PARD3B: variants seen among roughly 807,000 people sequenced by gnomAD.
PARD3B encodes the protein partitioning defective 3 homolog B.
In PARD3B, 103 loss-of-function variants were observed where a neutral mutation model predicts 130.2. The observed-to-expected ratio is 0.79, with a 90% CI of 0.67 to 0.93. The LOEUF (loss-of-function observed/expected upper bound fraction) is 0.93. Ranked by LOEUF, PARD3B falls within the 40% of genes least tolerant of loss-of-function variation. PARD3B has a pLI of 0.00. For missense variants in PARD3B, 1,609 were observed against 1,499.2 expected (o/e 1.07, Z -1.21); for synonymous variants, 583 against 553.2 (o/e 1.05, Z -0.76).
At chr2:205,412,045 G>A (rs1368835363) in intron 19 of PARD3B, among the ~76,000 whole-genome samples, 1 of 152,092 alleles carries the variant, frequency 6.6e-6, no homozygotes, top group African/African-American at 2.4e-5. Context: ...TGGCAACTCC[G>A]ATCTGCTAAT....
intron 2 of PARD3B, among the ~76,000 whole-genome samples, chr2:204,813,608 T>C (rs972036888): frequency 6.6e-6 from 1 of 152,202 alleles, no homozygotes; most frequent in South Asian, 2.1e-4. Flanking sequence ...TTTGCAAAGG[T>C]TTTCTACTAA....
intron 11 of PARD3B, among the ~76,000 whole-genome samples, chr2:205,169,163 A>G (rs2035004722): frequency 6.6e-6 from 1 of 152,172 alleles, no homozygotes; most frequent in South Asian, 2.1e-4. Context: ...ATTACACATC[A>G]TTTATCTTAT....
chr2:205,335,972 T>C (rs1024349728), intron 18 of PARD3B, among the ~76,000 whole-genome samples: 1 of 152,128 alleles, frequency 6.6e-6, no homozygotes, highest in South Asian at 2.1e-4. Flanking sequence ...CCATGACACA[T>C]AGGAATTGTG....
intron 2 of PARD3B, among the ~76,000 whole-genome samples, chr2:204,902,010 C>T (rs1274780541): frequency 6.6e-6 from 1 of 152,112 alleles, no homozygotes; most frequent in Non-Finnish European, 1.5e-5. Context: ...CCCTCCTCTC[C>T]TCAAGCAGTA....
intron 4 of PARD3B, among the ~76,000 whole-genome samples, chr2:205,068,415 G>A (rs1700518725): frequency 6.6e-6 from 1 of 151,946 alleles, no homozygotes; most frequent in South Asian, 2.1e-4. Flanking sequence ...GTTAATCTTA[G>A]TAGACATTTG....
intron 16 of PARD3B, among the ~76,000 whole-genome samples, chr2:205,279,286 T>C (rs2041096731): frequency 6.6e-6 from 1 of 152,062 alleles, no homozygotes; most frequent in Non-Finnish European, 1.5e-5. Flanking sequence ...TCCCAAAACA[T>C]TGGGACACTA....
intron 1 of PARD3B, among the ~76,000 whole-genome samples, chr2:204,636,321 G>T (rs1185371261): frequency 1.3e-5 from 2 of 151,980 alleles, no homozygotes. Context: ...TCATAACCTG[G>T]AATCAAATGA....
chr2:205,317,599 C>T (rs942081530), intron 18 of PARD3B, among the ~76,000 whole-genome samples: 4 of 152,276 alleles, frequency 2.6e-5, no homozygotes, highest in African/African-American at 9.6e-5. Context: ...GCCAGTCGAT[C>T]ACCCTATTCT....
At chr2:205,457,374 A>G (rs946946612) in intron 20 of PARD3B, among the ~76,000 whole-genome samples, 7 of 151,926 alleles carry the variant, frequency 4.6e-5, no homozygotes, top group Admixed American at 1.3e-4. Flanking sequence ...CCTGATATTT[A>G]TAATTTTTAT....
intron 1 of PARD3B, among the ~76,000 whole-genome samples, chr2:204,595,741 G>A (rs2033258991): frequency 6.6e-6 from 1 of 152,208 alleles, no homozygotes; most frequent in African/African-American, 2.4e-5. Flanking sequence ...TATAAAATGA[G>A]CATGTACTTT....
Position 205,575,007 on chromosome 2 carries a change from G to A in PARD3B, c.3260+21604G>A, listed in dbSNP as rs1477560883. Reference sequence around the variant, plus strand: ...ACCCATCTCATAAGCTCCCTTACTGGATGAGGAGAGAAAGCCATTGCTCTA... The same window carrying A: ...ACCCATCTCATAAGCTCCCTTACTGAATGAGGAGAGAAAGCCATTGCTCTA... On this transcript the variant is annotated intron_variant, in intron 22 of 22. Transcript: ENST00000406610. The surrounding 1 kb of genome is among the most constrained non-coding windows in gnomAD (Gnocchi z 4.6). Among the ~76,000 whole-genome samples the A allele has an allele frequency of 6.6e-6, 1 of 151,482 alleles. No individual in the cohort carries two copies. Among genetic ancestry groups the A allele is most frequent in the Admixed American group, 6.6e-5 (1 of 15,164 alleles).
chr2:205,481,610 G>A (rs1328083780), intron 20 of PARD3B, among the ~76,000 whole-genome samples: 3 of 152,166 alleles, frequency 2.0e-5, no homozygotes, highest in South Asian at 2.1e-4. Context: ...TAATGTCATA[G>A]TAGAGCCCAG....
intron 4 of PARD3B, among the ~76,000 whole-genome samples, chr2:205,098,321 T>C (rs901850787): frequency 1.6e-4 from 24 of 152,202 alleles, no homozygotes; most frequent in African/African-American, 5.1e-4. Flanking sequence ...GCAGTTAAAT[T>C]TTATGGGCAA....
At chr2:204,737,504 C>T (rs1437390300) in intron 2 of PARD3B, among the ~76,000 whole-genome samples, 1 of 152,128 alleles carries the variant, frequency 6.6e-6, no homozygotes, top group Non-Finnish European at 1.5e-5. Flanking sequence ...GTGAACTTTG[C>T]AAATATTTTC....
At chr2:205,556,034 C>G (rs957282849) in intron 22 of PARD3B, among the ~76,000 whole-genome samples, 1 of 152,152 alleles carries the variant, frequency 6.6e-6, no homozygotes, top group Non-Finnish European at 1.5e-5. Flanking sequence ...GTCTTTCCCC[C>G]TGGAGATTTT....
At chr2:204,888,459 G>A (rs2046336357) in intron 2 of PARD3B, among the ~76,000 whole-genome samples, 1 of 152,110 alleles carries the variant, frequency 6.6e-6, no homozygotes, top group African/African-American at 2.4e-5. Context: ...AAGGTGTGAA[G>A]AGTGACTCAT....
intron 1 of PARD3B, among the ~76,000 whole-genome samples, chr2:204,659,708 C>G (rs1003190839): frequency 6.6e-6 from 1 of 152,192 alleles, no homozygotes; most frequent in African/African-American, 2.4e-5. Flanking sequence ...GTGGTTGGCA[C>G]TGTGATCCAG....
In PARD3B at chr2:205,523,237, A is replaced by G. The variant is rs28629311; in HGVS notation, c.3180+23206A>G. On this transcript the variant is annotated intron_variant, in intron 21 of 22. Coordinates refer to ENST00000406610, the MANE Select transcript of PARD3B (RefSeq NM_001302769.2). Reference sequence around the variant, plus strand: ...TGTGTGTGTGTGTGTATATATATATATATATTTATATATATATATATTTTT... The same window carrying G: ...TGTGTGTGTGTGTGTATATATATATGTATATTTATATATATATATATTTTT... 3.8e-3 allele frequency among the ~76,000 whole-genome samples: 556 copies of G among 146,146 alleles called. 4 individuals are homozygous for G. Among genetic ancestry groups the G allele is most frequent in the African/African-American group, 0.013 (515 of 39,982 alleles).
chr2:205,172,230 A>G lies in PARD3B; in HGVS notation c.1640A>G (p.Asn547Ser), dbSNP rs1380952373. Residue 547 changes from asparagine (N) to serine (S), a missense_variant, in exon 12 of 23, where the codon AAT (asparagine) becomes AGT (serine). Asn to Ser is a conservative substitution (Grantham distance 46, BLOSUM62 1). Coordinates refer to ENST00000406610, the MANE Select transcript of PARD3B (RefSeq NM_001302769.2). ...AAFKDGRLRM[N>S]DQLIAVNGES... ...CCTTAGGATGGTCGTCTGCGAATGAATGACCAGCTGATTGCAGTTAATGGG... is the reference window on the plus strand; with the variant it reads ...CCTTAGGATGGTCGTCTGCGAATGAGTGACCAGCTGATTGCAGTTAATGGG... 6.2e-7 allele frequency: 1 copy of G among 1,614,162 alleles called. No homozygotes were observed. Among genetic ancestry groups the G allele is most frequent in the South Asian group, 1.1e-5 (1 of 91,078 alleles).
Sources: allele counts gnomAD v4.1 joint callset (sites outside exome capture counted in the v4.1 genomes callset), GRCh38; gene constraint gnomAD v4.1.1; non-coding constraint Gnocchi (gnomAD v3.1); transcripts MANE v1.5; gene names NCBI Gene and HGNC (gene_info 2026-07-23, HGNC 2026-07-21).